TSPAN5: variants seen among roughly 807,000 people sequenced by gnomAD.
TSPAN5 encodes the protein tetraspanin-5.
Under a neutral mutation model 37.1 loss-of-function variants are expected in TSPAN5, and 10 were observed. The observed-to-expected ratio is 0.27, with a 90% confidence interval of 0.17 to 0.46. The LOEUF (loss-of-function observed/expected upper bound fraction) is 0.46. Ranked by LOEUF, TSPAN5 falls within the 20% of genes least tolerant of loss-of-function variation. The pLI is 1.00. For missense variants in TSPAN5, 195 were observed against 326.6 expected, an observed-to-expected ratio of 0.60 and a Z score of 3.11; for synonymous variants, 110 against 118.9, an observed-to-expected ratio of 0.93 and a Z score of 0.48.
intron 1 of TSPAN5, among the ~76,000 whole-genome samples, chr4:98,645,290 A>G (rs1290219513): frequency 6.6e-6 from 1 of 152,242 alleles, no homozygotes; most frequent in African/African-American, 2.4e-5. Flanking sequence ...AGTAAGTCAT[A>G]TTATTGTCAT....
chr4:98,622,260 C>T (rs1010090662), intron 1 of TSPAN5, among the ~76,000 whole-genome samples: 2 of 152,200 alleles, frequency 1.3e-5, no homozygotes, highest in African/African-American at 4.8e-5. Context: ...CTGTATTTTT[C>T]ATAGAGACAA....
intron 1 of TSPAN5, among the ~76,000 whole-genome samples, chr4:98,576,896 A>T (rs997992240): frequency 6.6e-6 from 1 of 152,080 alleles, no homozygotes; most frequent in African/African-American, 2.4e-5. Context: ...AGTAGCTGGG[A>T]CTACAGGTAC....
intron 3 of TSPAN5, chr4:98,484,800 T>C (rs142240090): frequency 0.012 from 3,082 of 251,176 alleles, 34 homozygotes; most frequent in Non-Finnish European, 0.018. Context: ...CATCTTTACT[T>C]AAAAAAAAAA....
intron 1 of TSPAN5, among the ~76,000 whole-genome samples, chr4:98,565,114 T>C (rs907074805): frequency 6.6e-6 from 1 of 152,192 alleles, no homozygotes; most frequent in African/African-American, 2.4e-5. Flanking sequence ...CCTTGGATCC[T>C]GCACAATATG....
At chr4:98,654,053 G>A (rs1422036086) in intron 1 of TSPAN5, among the ~76,000 whole-genome samples, 1 of 152,190 alleles carries the variant, frequency 6.6e-6, no homozygotes, top group Non-Finnish European at 1.5e-5. Context: ...GTAGGTAGGT[G>A]CTCCAGTGAC....
intron 1 of TSPAN5, among the ~76,000 whole-genome samples, chr4:98,578,835 C>T (rs2110192012): frequency 6.6e-6 from 1 of 152,278 alleles, no homozygotes; most frequent in Non-Finnish European, 1.5e-5. Flanking sequence ...CCTCCCCAGT[C>T]CTCTCAGCCA....
At chr4:98,562,219 T>G (rs1010396233) in intron 1 of TSPAN5, among the ~76,000 whole-genome samples, 1 of 152,316 alleles carries the variant, frequency 6.6e-6, no homozygotes, top group East Asian at 1.9e-4. Context: ...GCCAGATTTG[T>G]GTTTTACAAG....
At chr4:98,636,172 T>C (rs1390980237) in intron 1 of TSPAN5, among the ~76,000 whole-genome samples, 3 of 152,136 alleles carry the variant, frequency 2.0e-5, no homozygotes, top group African/African-American at 7.2e-5. Context: ...GAAATGTAAA[T>C]AAGGGCATAA....
At chr4:98,589,126 A>G (rs912343693) in intron 1 of TSPAN5, among the ~76,000 whole-genome samples, 4 of 152,156 alleles carry the variant, frequency 2.6e-5, no homozygotes, top group Admixed American at 1.3e-4. Context: ...GATGCTCTCT[A>G]CGTGTGAAGA....
At chr4:98,489,982 A>G (rs1225910138) in intron 2 of TSPAN5, among the ~76,000 whole-genome samples, 1 of 152,220 alleles carries the variant, frequency 6.6e-6, no homozygotes, top group Non-Finnish European at 1.5e-5. Flanking sequence ...ATTCCCCAAC[A>G]GGGTTGCTGA....
At chr4:98,583,487 C>T (rs1481894148) in intron 1 of TSPAN5, among the ~76,000 whole-genome samples, 3 of 152,068 alleles carry the variant, frequency 2.0e-5, no homozygotes, top group African/African-American at 7.2e-5. Context: ...CATTTAACGC[C>T]CAGCCTTTCT....
chr4:98,581,297 C>G (rs1755364578), intron 1 of TSPAN5, among the ~76,000 whole-genome samples: 2 of 152,086 alleles, frequency 1.3e-5, no homozygotes, highest in South Asian at 4.2e-4. Flanking sequence ...GGCTGGAAAC[C>G]AAGCTTAAAG....
intron 2 of TSPAN5, among the ~76,000 whole-genome samples, chr4:98,492,829 G>A (rs1341024437): frequency 1.3e-5 from 2 of 152,150 alleles, no homozygotes; most frequent in Non-Finnish European, 2.9e-5. Context: ...GACAAATAAT[G>A]CATAACATGG....
At chr4:98,537,758 C>T (rs538975862) in intron 1 of TSPAN5, among the ~76,000 whole-genome samples, 54 of 152,352 alleles carry the variant, frequency 3.5e-4, no homozygotes, top group African/African-American at 1.1e-3. Context: ...CAGAGGTCTG[C>T]GACAAGCCAA....
chr4:98,521,594 C>T (rs919517047), intron 1 of TSPAN5, among the ~76,000 whole-genome samples: 6 of 152,180 alleles, frequency 3.9e-5, no homozygotes, highest in African/African-American at 1.4e-4. Flanking sequence ...TGCTGGCATG[C>T]AGGGTGAAAT....
At chr4:98,563,392 C>T (rs1253784913) in intron 1 of TSPAN5, among the ~76,000 whole-genome samples, 2 of 152,168 alleles carry the variant, frequency 1.3e-5, no homozygotes, top group Non-Finnish European at 2.9e-5. Flanking sequence ...CCTAAGCTTT[C>T]AGGGTCTTAA....
intron 1 of TSPAN5, among the ~76,000 whole-genome samples, chr4:98,586,693 A>T (rs1755495472): frequency 6.6e-6 from 1 of 152,256 alleles, no homozygotes; most frequent in African/African-American, 2.4e-5. Flanking sequence ...AGCGAAAAGC[A>T]GCTTCTGTTG....
At chr4:98,584,316 T>C (rs1043675675) in intron 1 of TSPAN5, among the ~76,000 whole-genome samples, 3 of 152,234 alleles carry the variant, frequency 2.0e-5, no homozygotes, top group African/African-American at 4.8e-5. Context: ...ATTCCCATTA[T>C]ATGCAAGCAG....
Position 98,520,578 on chromosome 4 carries a change from G to A in TSPAN5, c.82-12850C>T, listed in dbSNP as rs1013868644. 9.2e-5 allele frequency among the ~76,000 whole-genome samples: 14 copies of A among 152,326 alleles called. No individual in the cohort carries two copies. In the South Asian group the frequency reaches 2.9e-3, roughly 32 times the overall value. The stretch of plus-strand genomic sequence containing the variant: ...GGGGAGTCAGGAGCCCCCAGGTGTA[G>A]TGGCGAGCTGCAGAGTAACTGTGTG... On this transcript the variant is annotated intron_variant, in intron 1 of 7. Transcript: ENST00000305798.
Sources: gnomAD v4.1 joint callset for allele counts (sites outside exome capture counted in the v4.1 genomes callset) on GRCh38, gnomAD v4.1.1 for gene constraint, MANE v1.5 for transcripts, NCBI Gene and HGNC (gene_info 2026-07-23, HGNC 2026-07-21) for gene names.